PAK5: variants seen among roughly 807,000 people sequenced by gnomAD.
PAK5 encodes p21 (RAC1) activated kinase 5, also known as serine/threonine-protein kinase PAK 5.
A neutral mutation model predicts 65.9 loss-of-function variants in PAK5; 16 were observed. The observed-to-expected ratio is 0.24, with a 90% CI of 0.16 to 0.37. PAK5 has a LOEUF of 0.37. Among genes scored for constraint, PAK5 ranks in the 10% least tolerant of loss-of-function variants. The pLI, the probability that PAK5 is intolerant of heterozygous loss-of-function variation, is 1.00. For missense variants in PAK5, 785 were observed against 903.9 expected (o/e 0.87, Z 1.69); for synonymous variants, 371 against 354.9 (o/e 1.05, Z -0.51).
At chr20:9,571,845 G>T in intron 4 of PAK5, among the ~76,000 whole-genome samples, 1 of 119,818 alleles carries the variant, frequency 8.3e-6, no homozygotes. Context: ...TTGGGTCCTT[G>T]AAAAATTCAC....
intron 1 of PAK5, among the ~76,000 whole-genome samples, chr20:9,778,588 T>C (rs2048910205): frequency 6.6e-6 from 1 of 152,164 alleles, no homozygotes; most frequent in South Asian, 2.1e-4. Context: ...CTAACTTTTA[T>C]GGTGGTATAT....
At chr20:9,593,217 T>A (rs1568986015) in intron 3 of PAK5, among the ~76,000 whole-genome samples, 1 of 151,698 alleles carries the variant, frequency 6.6e-6, no homozygotes, top group African/African-American at 2.4e-5. Context: ...GGTCGGAGGA[T>A]CCCTTGAGCC....
At chr20:9,790,150 C>T (rs145489820) in intron 1 of PAK5, among the ~76,000 whole-genome samples, 1 of 152,258 alleles carries the variant, frequency 6.6e-6, no homozygotes, top group African/African-American at 2.4e-5. Flanking sequence ...AAAACTTCCT[C>T]TACGGGTCCT....
intron 1 of PAK5, among the ~76,000 whole-genome samples, chr20:9,769,246 G>A (rs1245516236): frequency 6.6e-6 from 1 of 152,168 alleles, no homozygotes; most frequent in Non-Finnish European, 1.5e-5. Context: ...ATTGAAGCAG[G>A]ACATATTTCC....
intron 2 of PAK5, among the ~76,000 whole-genome samples, chr20:9,707,968 C>A (rs1382369718): frequency 6.6e-6 from 1 of 152,174 alleles, no homozygotes; most frequent in Non-Finnish European, 1.5e-5. Context: ...AGTTATGGGG[C>A]TATTTGTTAT....
chr20:9,766,310 T>TATATATATATTCTACTTGA (rs1569078922), intron 1 of PAK5, among the ~76,000 whole-genome samples: 3 of 142,698 alleles, frequency 2.1e-5, no homozygotes, highest in African/African-American at 7.5e-5. Context: ...TCTACTTGAA[T>TATATATATATTCTACTTGA]ATATATATAT....
At chr20:9,740,945 A>G (rs1229793139) in intron 1 of PAK5, among the ~76,000 whole-genome samples, 1 of 152,212 alleles carries the variant, frequency 6.6e-6, no homozygotes, top group East Asian at 1.9e-4. Flanking sequence ...CAGGTGCCAT[A>G]CAGCTCAGCC....
chr20:9,667,965 G>GTTAA (rs2047442529), intron 2 of PAK5, among the ~76,000 whole-genome samples: 2 of 152,016 alleles, frequency 1.3e-5, no homozygotes, highest in Non-Finnish European at 2.9e-5. Flanking sequence ...TGAATATATG[G>GTTAA]TTAATAATTA....
chr20:9,748,323 T>C (rs2048532760), intron 1 of PAK5, among the ~76,000 whole-genome samples: 1 of 152,138 alleles, frequency 6.6e-6, no homozygotes, highest in Non-Finnish European at 1.5e-5. Flanking sequence ...CTTCACAGAA[T>C]TGGAAAAAAA....
At chr20:9,660,121 A>G (rs1253261308) in intron 2 of PAK5, among the ~76,000 whole-genome samples, 1 of 152,030 alleles carries the variant, frequency 6.6e-6, no homozygotes, top group Non-Finnish European at 1.5e-5. Flanking sequence ...ATTCTCACTT[A>G]CAGCCTGCCA....
intron 1 of PAK5, among the ~76,000 whole-genome samples, chr20:9,773,821 A>G (rs1239579650): frequency 1.3e-5 from 2 of 152,188 alleles, no homozygotes; most frequent in Admixed American, 1.3e-4. Flanking sequence ...CAGGTGAAGA[A>G]AACAAGGCTT....
intron 1 of PAK5, among the ~76,000 whole-genome samples, chr20:9,749,425 G>A (rs1174933919): frequency 6.6e-6 from 1 of 152,094 alleles, no homozygotes; most frequent in African/African-American, 2.4e-5. Context: ...TCCCACTTAT[G>A]AGGTTGAAAA....
chr20:9,750,189 G>C (rs1038422153), intron 1 of PAK5, among the ~76,000 whole-genome samples: 1 of 151,838 alleles, frequency 6.6e-6, no homozygotes, highest in Non-Finnish European at 1.5e-5. Flanking sequence ...GCAAATGTTT[G>C]CCTCCCTGAC....
At chr20:9,723,552 T>C (rs1283762608) in intron 1 of PAK5, among the ~76,000 whole-genome samples, 1 of 152,218 alleles carries the variant, frequency 6.6e-6, no homozygotes, top group Non-Finnish European at 1.5e-5. Flanking sequence ...TCTCTGGCTC[T>C]AGGTTTAGCC....
chr20:9,689,379 G>T (rs1254651671), intron 2 of PAK5, among the ~76,000 whole-genome samples: 1 of 152,136 alleles, frequency 6.6e-6, no homozygotes, highest in East Asian at 1.9e-4. Context: ...TTGGTGTTAC[G>T]ATGACTTCAA....
chr20:9,798,894 T>A (rs1258530934), intron 1 of PAK5, among the ~76,000 whole-genome samples: 1 of 152,122 alleles, frequency 6.6e-6, no homozygotes, highest in African/African-American at 2.4e-5. Context: ...AATATCAGAA[T>A]ACCTGGGTAT....
chr20:9,580,554 C>A lies in PAK5; in HGVS notation c.581G>T (p.Arg194Ile), dbSNP rs1603228573. Residue 194 changes from arginine (R) to isoleucine (I), a missense_variant, in exon 4 of 10, where the codon AGA (arginine) becomes ATA (isoleucine). By Grantham distance (97) the Arg-to-Ile change is moderately conservative. This residue lies in a region of PAK5 where 422 missense variants were observed against 413.3 expected (regional missense o/e 1.02). Coordinates refer to ENST00000353224, the MANE Select transcript of PAK5 (RefSeq NM_177990.4). ...EVKPLKSDFA[R>I]FSADYHSHLD... ...ATGTGAGTGATAATCGGCAGAAAAT[C>A]TGGCAAAATCGGATTTCAAAGGCTT... 1 of 1,614,142 alleles carries A rather than the reference C, an allele frequency of 6.2e-7. No individual in the cohort carries two copies. The highest frequency in any genetic ancestry group is 1.1e-5 in the South Asian group (1 of 91,082).
intron 1 of PAK5, among the ~76,000 whole-genome samples, chr20:9,804,660 T>C (rs974708189): frequency 6.6e-6 from 1 of 152,208 alleles, no homozygotes; most frequent in East Asian, 1.9e-4. Context: ...AATTTGGCAG[T>C]GGTTCCTCAG....
intron 1 of PAK5, among the ~76,000 whole-genome samples, chr20:9,758,494 G>C (rs1423802505): frequency 6.6e-6 from 1 of 152,136 alleles, no homozygotes; most frequent in African/African-American, 2.4e-5. Context: ...CTATCTCAGC[G>C]AGTACCTGGA....
Sources: gnomAD v4.1 joint callset for allele counts (sites outside exome capture counted in the v4.1 genomes callset) on GRCh38, gnomAD v4.1.1 for gene constraint, gnomAD v4.1.1 regional missense constraint, MANE v1.5 for transcripts, NCBI Gene and HGNC (gene_info 2026-07-23, HGNC 2026-07-21) for gene names.